CENPN: variants seen among roughly 807,000 people sequenced by gnomAD.
The protein encoded by CENPN is interphase centromere complex protein 32.
A neutral mutation model predicts 48.6 loss-of-function variants in CENPN; 36 were observed. The observed-to-expected ratio is 0.74, with a 90% CI of 0.57 to 0.98. CENPN has a LOEUF of 0.98. Among genes scored for constraint, CENPN ranks in the 50% least tolerant of loss-of-function variants. The pLI is 0.00. For synonymous variants in CENPN, 166 were observed against 135.2 expected (o/e 1.23, Z -1.58); for missense variants, 439 against 399.2 (o/e 1.10, Z -0.85).
chr16:81,012,066 C>G lies in CENPN; in HGVS notation c.127C>G (p.Gln43Glu). ...TCAACTGCAGACTGTAAATTTCCGA[C>G]AGAGAAAGGAATCTGTAGTTCAGCA... ...ENQLQTVNFRQRKESVVQHLI... is the reference protein window; with the variant it reads ...ENQLQTVNFRERKESVVQHLI... Residue 43 changes from glutamine to glutamate, a missense_variant, in exon 2 of 11, where the codon CAG becomes GAG. By Grantham distance (29) the Gln-to-Glu change is conservative. Coordinates refer to ENST00000305850, the MANE Select transcript of CENPN (RefSeq NM_001100624.3). 6.2e-7 allele frequency: 1 copy of G among 1,614,132 alleles called. No individual in the cohort carries two copies. Among genetic ancestry groups the G allele is most frequent in the Non-Finnish European group, 8.5e-7 (1 of 1,179,994 alleles).
At chr16:81,028,475 C>T in intron 10 of CENPN, 94 bp from the exon 11 acceptor site, 1 of 1,549,320 alleles carries the variant, frequency 6.5e-7, no homozygotes, top group Non-Finnish European at 8.7e-7. Context: ...TATGATCCAC[C>T]CTCTAATCTC....
rs761078576 is a variant in CENPN, at chr16:81,025,689, C to CTTTTTTTTTTTTTTTT, written c.698-836_698-835insTTTTTTTTTTTTTTTT. Among the ~76,000 whole-genome samples, 4 of 135,218 alleles carry CTTTTTTTTTTTTTTTT rather than the reference C, an allele frequency of 3.0e-5. 2 individuals carry two copies. Among genetic ancestry groups the CTTTTTTTTTTTTTTTT allele is most frequent in the African/African-American group, 1.2e-4 (4 of 33,984 alleles). 88.7% of individuals were successfully genotyped at this position (135,218 alleles called of 152,430 possible). ...TGGGCAACATAGTGAGACCCTGTCTCTCTTTTTTTTTTTTTTTTTTTTTTT... is the reference window on the plus strand; with the variant it reads ...TGGGCAACATAGTGAGACCCTGTCTCTTTTTTTTTTTTTTTTTCTTTTTTTTTTTTTTTTTTTTTTT... On this transcript the variant is annotated intron_variant, in intron 8 of 10. Coordinates refer to ENST00000305850, the MANE Select transcript of CENPN (RefSeq NM_001100624.3).
At chr16:81,022,884 AATTGT>A in intron 7 of CENPN, 186 bp downstream of exon 7, 1 of 1,608,396 alleles carries the variant, frequency 6.2e-7, no homozygotes, top group Non-Finnish European at 8.5e-7. Context: ...ATCTTTTTAT[AATTGT>A]ATTGTGTTTT....
intron 6 of CENPN, 124 bp from the exon 7 acceptor site, chr16:81,022,473 A>T: frequency 1.3e-6 from 1 of 787,770 alleles, no homozygotes; most frequent in Non-Finnish European, 2.0e-6. Context: ...ATGTTTTTCT[A>T]GACTTCTTTT....
At chr16:81,031,885 G>T (rs1348122897), downstream of CENPN, among the ~76,000 whole-genome samples, 3 of 152,302 alleles carry the variant, frequency 2.0e-5, no homozygotes, top group Admixed American at 2.0e-4. Context: ...TTACAGGTGT[G>T]AGCCTCAGTG....
chr16:81,032,838 C>A, downstream of CENPN: 1 of 885,660 alleles, frequency 1.1e-6, no homozygotes, highest in Non-Finnish European at 1.7e-6. Context: ...ATCTTGGAAG[C>A]TTGGATGTGC....
intron 5 of CENPN, among the ~76,000 whole-genome samples, chr16:81,018,426 G>A (rs921360074): frequency 1.4e-4 from 21 of 151,906 alleles, no homozygotes; most frequent in East Asian, 3.9e-4. Context: ...TGCCTGCCTC[G>A]GCCTCCCAAA....
In CENPN at chr16:81,029,725, C is replaced by G. The variant is rs1380188728; in HGVS notation, c.*1074C>G. 6.6e-6 allele frequency among the ~76,000 whole-genome samples: 1 copy of G among 152,154 alleles called. No individual in the cohort carries two copies. Among genetic ancestry groups the G allele is most frequent in the African/African-American group, 2.4e-5 (1 of 41,436 alleles). On this transcript the variant is annotated 3_prime_UTR_variant, in exon 11 of 11. Coordinates refer to ENST00000305850, the MANE Select transcript of CENPN (RefSeq NM_001100624.3). ...GAGTAGCTGGGACTACAGGCCTGCA[C>G]CACCATGCCCAGCTAATTTTTGTAT...
intron 8 of CENPN, among the ~76,000 whole-genome samples, 178 bp downstream of exon 8, chr16:81,024,956 A>C (rs1431657927): frequency 6.6e-6 from 1 of 152,270 alleles, no homozygotes; most frequent in African/African-American, 2.4e-5. Flanking sequence ...GTTCTCCTTT[A>C]GAATTTACTA....
rs934681227 is a variant in CENPN, at chr16:81,030,427, G to A, written c.*1776G>A. ...GGAGGGGGTTTCCCCCACACATTAA[G>A]CAAGTGTGAAACATGATATAGAAAA... On this transcript the variant is annotated 3_prime_UTR_variant, in exon 11 of 11. Transcript: ENST00000305850. The A allele has an allele frequency of 1.1e-5, 11 of 982,864 alleles. No homozygotes were observed. The African/African-American group carries it at 1.4e-4, about 13-fold the overall frequency. The allele number at this position is 982,864 out of a possible 1,614,324, so 60.9% of individuals were successfully genotyped here.
Position 81,029,142 on chromosome 16 carries a change from G to T in CENPN, c.*491G>T, listed in dbSNP as rs185768959. The stretch of plus-strand genomic sequence containing the variant: ...ATGAAATTGGTCTATTCAAAGGATG[G>T]AGTTGAGTCCATTCTGTTATTGTTG... On this transcript the variant is annotated 3_prime_UTR_variant, in exon 11 of 11. Transcript: ENST00000305850. 4.8e-5 allele frequency: 47 copies of T among 985,406 alleles called. No homozygotes were observed. In the East Asian group the frequency reaches 5.0e-3, roughly 105 times the overall value. The allele number at this position is 985,406 out of a possible 1,614,324, so 61.0% of individuals were successfully genotyped here.
chr16:81,020,791 A>G (rs1567551605), intron 6 of CENPN, among the ~76,000 whole-genome samples: 1 of 152,184 alleles, frequency 6.6e-6, no homozygotes, highest in East Asian at 1.9e-4. Flanking sequence ...CAAGATGGTT[A>G]TTAGAAAAGC....
rs1970710522 is a variant in CENPN, at chr16:81,030,252, A to G, written c.*1601A>G. 1.0e-6 allele frequency: 1 copy of G among 985,428 alleles called. No homozygotes were observed. Among genetic ancestry groups the G allele is most frequent in the African/African-American group, 1.7e-5 (1 of 57,362 alleles). The allele number at this position is 985,428 out of a possible 1,614,324, so 61.0% of individuals were successfully genotyped here. A position where few individuals can be genotyped will look rare whatever the true frequency, so the allele number is the denominator to read the frequency against. On this transcript the variant is annotated 3_prime_UTR_variant, in exon 11 of 11. Transcript: ENST00000305850. The stretch of plus-strand genomic sequence containing the variant: ...GCCCGCCAGCATGTCTTTTTTAAAC[A>G]TTTTAAAATCTATTCTTTATCTTGT...
chr16:81,021,443 G>C (rs1255463834), intron 6 of CENPN, among the ~76,000 whole-genome samples: 1 of 152,128 alleles, frequency 6.6e-6, no homozygotes, highest in Non-Finnish European at 1.5e-5. Context: ...TTGTAGGCGA[G>C]CAGCTCCACC....
At chr16:81,021,092 T>TAA (rs72194693) in intron 6 of CENPN, among the ~76,000 whole-genome samples, 31 of 141,524 alleles carry the variant, frequency 2.2e-4, no homozygotes, top group African/African-American at 3.7e-4. Flanking sequence ...AACTCCGTCT[T>TAA]AAAAAAAAAA....
downstream of CENPN, among the ~76,000 whole-genome samples, chr16:81,032,390 T>A: frequency 6.6e-6 from 1 of 152,146 alleles, no homozygotes; most frequent in East Asian, 1.9e-4. Flanking sequence ...TTACACACGT[T>A]CCCCATCTCC....
intron 6 of CENPN, among the ~76,000 whole-genome samples, chr16:81,020,861 A>G (rs971951700): frequency 1.3e-4 from 20 of 152,288 alleles, no homozygotes; most frequent in African/African-American, 4.8e-4. Flanking sequence ...AGGCCGAGGC[A>G]GGTGGATCAC....
chr16:81,008,895 A>T (rs890317552), intron 1 of CENPN, among the ~76,000 whole-genome samples: 15 of 152,220 alleles, frequency 9.9e-5, no homozygotes, highest in African/African-American at 3.6e-4. Context: ...ATAATTTCAG[A>T]TAGTTCTGTA....
chr16:81,020,503 T>TA (rs923688602), intron 6 of CENPN: 9 of 386,158 alleles, frequency 2.3e-5, no homozygotes, highest in Admixed American at 2.1e-4. Context: ...ACCCCACCTC[T>TA]AAAAAAACAA....
Sources: allele counts gnomAD v4.1 joint callset (sites outside exome capture counted in the v4.1 genomes callset), GRCh38; gene constraint gnomAD v4.1.1; transcripts MANE v1.5; gene names NCBI Gene and HGNC (gene_info 2026-07-23, HGNC 2026-07-21).